The following PFKP variants were observed in gnomAD, a reference collection of about 807,000 sequenced individuals.
PFKP encodes the protein ATP-dependent 6-phosphofructokinase, platelet type.
PFKP carries 101 observed loss-of-function variants against 94.3 expected under a neutral mutation model. The observed-to-expected ratio is 1.07, with a 90% CI of 0.91 to 1.26. The LOEUF is 1.26. Among genes scored for constraint, PFKP ranks in the 50% most tolerant of loss-of-function variants. The pLI is 0.00. For missense variants in PFKP, 1,145 were observed against 1,103.3 expected, an observed-to-expected ratio of 1.04 and a Z score of -0.53; for synonymous variants, 573 against 432.6, an observed-to-expected ratio of 1.32 and a Z score of -4.03.
In PFKP at chr10:3,123,975, G is replaced by A. The variant is rs111526514; in HGVS notation, c.1683+3931G>A. ...TCACCCAGCACTGACCCCGTTCACA[G>A]CTCGCCTTGTGGTCACCCAGCACTG... On this transcript the variant is annotated intron_variant, in intron 16 of 21. Transcript: ENST00000381125. 4.7e-3 allele frequency among the ~76,000 whole-genome samples: 701 copies of A among 149,828 alleles called. 8 individuals carry two copies. The highest frequency in any genetic ancestry group is 0.016 in the African/African-American group (659 of 41,210).
At chr10:3,133,422 A>G in intron 19 of PFKP, 108 bp downstream of exon 19, 1 of 775,444 alleles carries the variant, frequency 1.3e-6, no homozygotes, top group Non-Finnish European at 2.3e-6. Flanking sequence ...GTAAATTCCA[A>G]GATGATAAAA....
intron 1 of PFKP, among the ~76,000 whole-genome samples, chr10:3,069,941 CTTCTT>C (rs1433019214): frequency 6.6e-6 from 1 of 152,216 alleles, no homozygotes; most frequent in Non-Finnish European, 1.5e-5. Flanking sequence ...GTCCACGCCT[CTTCTT>C]TTCTGGGGAA....
At chr10:3,076,619 T>C (rs1257442849) in intron 1 of PFKP, among the ~76,000 whole-genome samples, 1 of 152,108 alleles carries the variant, frequency 6.6e-6, no homozygotes, top group Non-Finnish European at 1.5e-5. Flanking sequence ...CATGCATTTG[T>C]TCACTGTGTT....
chr10:3,088,847 G>T (rs1050766221), intron 2 of PFKP, among the ~76,000 whole-genome samples: 8 of 146,638 alleles, frequency 5.5e-5, no homozygotes, highest in Non-Finnish European at 1.5e-5. Flanking sequence ...TCTGATAATT[G>T]CAGTTCTCGT....
chr10:3,125,806 C>T (rs184328458), intron 16 of PFKP, among the ~76,000 whole-genome samples: 133 of 152,302 alleles, frequency 8.7e-4, no homozygotes, highest in Non-Finnish European at 1.5e-3. Context: ...GTGGCCCCTC[C>T]GGTCCCTGAT....
At chr10:3,129,776 C>A (rs1265618200) in intron 16 of PFKP, 43 bp from the exon 17 acceptor site, 2 of 1,606,488 alleles carry the variant, frequency 1.2e-6, no homozygotes, top group East Asian at 4.5e-5. Flanking sequence ...GTGGGCGCGC[C>A]CCGGGCCTGG....
intron 1 of PFKP, among the ~76,000 whole-genome samples, chr10:3,077,267 T>C (rs1266482749): frequency 3.9e-5 from 5 of 128,988 alleles, no homozygotes; most frequent in Admixed American, 7.6e-5. Context: ...TTTTCTTTTT[T>C]TTTTTTTTTT....
chr10:3,098,252 T>C (rs1442603817), intron 2 of PFKP, among the ~76,000 whole-genome samples: 1 of 152,156 alleles, frequency 6.6e-6, no homozygotes, highest in African/African-American at 2.4e-5. Context: ...AAATCCTTAA[T>C]AGTTATTCCT....
intron 1 of PFKP, among the ~76,000 whole-genome samples, chr10:3,075,904 CAAAAAAAA>C (rs577636701): frequency 1.4e-5 from 1 of 70,346 alleles, no homozygotes; most frequent in Non-Finnish European, 2.8e-5. Flanking sequence ...GACCCTATCG[CAAAAAAAA>C]AAAAAAAAAA....
Position 3,136,346 on chromosome 10 carries a change from A to C in PFKP, c.2226-104A>C, listed in dbSNP as rs1166806799. 4.1e-6 allele frequency: 5 copies of C among 1,215,000 alleles called. No individual in the cohort carries two copies. In the Admixed American group the frequency reaches 5.7e-5, roughly 14 times the overall value. The allele number at this position is 1,215,000 out of a possible 1,614,324, so 75.3% of individuals were successfully genotyped here. A position where few individuals can be genotyped will look rare whatever the true frequency, so the allele number is the denominator to read the frequency against. ...TCATCTAGTTGATTCAGCCGACCCTACAAACCCTGTGTTTCTGGCAAGACC... is the reference window on the plus strand; with the variant it reads ...TCATCTAGTTGATTCAGCCGACCCTCCAAACCCTGTGTTTCTGGCAAGACC... On this transcript the variant is annotated intron_variant, in intron 21 of 21. Coordinates refer to ENST00000381125, the MANE Select transcript of PFKP (RefSeq NM_002627.5).
At chr10:3,101,216 C>A in intron 3 of PFKP, 149 bp from the exon 4 acceptor site, 1 of 763,032 alleles carries the variant, frequency 1.3e-6, no homozygotes, top group East Asian at 2.7e-5. Context: ...AGGAAAATCA[C>A]AGTCTTTCAT....
chr10:3,078,616 G>T (rs1383807643), intron 1 of PFKP, among the ~76,000 whole-genome samples: 1 of 152,244 alleles, frequency 6.6e-6, no homozygotes, highest in Admixed American at 6.5e-5. Context: ...AGGCTTGAAA[G>T]TTAAAATGAA....
chr10:3,080,722 A>G (rs1031680745), intron 1 of PFKP, among the ~76,000 whole-genome samples: 1 of 152,028 alleles, frequency 6.6e-6, no homozygotes, highest in Non-Finnish European at 1.5e-5. Flanking sequence ...AGAAGAATAT[A>G]TTCATAAATT....
chr10:3,120,369 C>CTGTGTGTGTGTGTGTGTGTGTG lies in PFKP; in HGVS notation c.1683+334_1683+355dup, dbSNP rs3841457. Among the ~76,000 whole-genome samples, 64 of 108,576 alleles carry CTGTGTGTGTGTGTGTGTGTGTG rather than the reference C, an allele frequency of 5.9e-4. No homozygotes were observed. The Middle Eastern group carries it at 0.012, about 21-fold the overall frequency. 71.2% of individuals were successfully genotyped at this position (108,576 alleles called of 152,430 possible). A position where few individuals can be genotyped will look rare whatever the true frequency, so the allele number is the denominator to read the frequency against. On this transcript the variant is annotated intron_variant, in intron 16 of 21. Transcript: ENST00000381125. ...GTGATTGTACCAGCATTAAAAATCG[C>CTGTGTGTGTGTGTGTGTGTGTG]TGTGTGTGTGTGTGTGTGTGTGTGT... is the stretch of plus-strand genomic sequence containing the variant.
intron 1 of PFKP, among the ~76,000 whole-genome samples, chr10:3,081,219 G>A (rs1008718969): frequency 6.6e-6 from 1 of 152,114 alleles, no homozygotes; most frequent in Non-Finnish European, 1.5e-5. Flanking sequence ...ACTTTCAGAG[G>A]CAATGGTGAC....
At chr10:3,121,803 C>CTTTTTTTTTTTTTTTTTTTTTTTT (rs759926178) in intron 16 of PFKP, among the ~76,000 whole-genome samples, 2 of 32,624 alleles carry the variant, frequency 6.1e-5, no homozygotes, top group Admixed American at 4.6e-4. Context: ...CTTTTTTTTT[C>CTTTTTTTTTTTTTTTTTTTTTTTT]TTTTTTTTTT....
Position 3,102,065 on chromosome 10 carries a change from A to C in PFKP, c.454+511A>C, listed in dbSNP as rs375365184. On this transcript the variant is annotated intron_variant, in intron 4 of 21. Transcript: ENST00000381125. ...AGGAGATCGAGACCATCCCGGCTAA[A>C]ACGGTGAAACCCCGTCTCTACTAAA... is the stretch of plus-strand genomic sequence containing the variant. 6.6e-4 allele frequency among the ~76,000 whole-genome samples: 99 copies of C among 150,174 alleles called. 2 individuals are homozygous for C. Among genetic ancestry groups the C allele is most frequent in the African/African-American group, 1.9e-3 (80 of 41,226 alleles).
At chr10:3,100,914 C>T in intron 3 of PFKP, 1 of 1,429,968 alleles carries the variant, frequency 7.0e-7, no homozygotes, top group Non-Finnish European at 9.7e-7. Context: ...GCTGGTTTTA[C>T]TTGCAGGTGC....
At chr10:3,103,684 C>A in intron 4 of PFKP, 95 bp from the exon 5 acceptor site, 2 of 1,207,248 alleles carry the variant, frequency 1.7e-6, no homozygotes, top group South Asian at 2.6e-5. Flanking sequence ...TGGTTGATTT[C>A]TCTACCCATG....
Sources: gnomAD v4.1 joint callset for allele counts (sites outside exome capture counted in the v4.1 genomes callset) on GRCh38, gnomAD v4.1.1 for gene constraint, MANE v1.5 for transcripts, NCBI Gene and HGNC (gene_info 2026-07-23, HGNC 2026-07-21) for gene names.